The following LPIN1 variants were observed in gnomAD, a reference collection of about 807,000 sequenced individuals.
The protein encoded by LPIN1 is lipin 1, also known as phosphatidate phosphatase LPIN1.
Under a neutral mutation model 107.5 loss-of-function variants are expected in LPIN1, and 71 were observed. The observed-to-expected ratio is 0.66, with a 90% confidence interval of 0.55 to 0.80. The LOEUF is 0.80. Ranked by LOEUF, LPIN1 falls within the 30% of genes least tolerant of loss-of-function variation. The probability of loss-of-function intolerance (pLI) is 0.00; values close to 1 mark genes in which losing one functional copy is unlikely to be tolerated. For missense variants in LPIN1, 1,043 were observed against 1,160.6 expected (o/e 0.90, Z 1.47); for synonymous variants, 445 against 452.6 (o/e 0.98, Z 0.21).
At chr2:11,733,365 A>G (rs1467428520) in intron 1 of LPIN1, among the ~76,000 whole-genome samples, 1 of 152,222 alleles carries the variant, frequency 6.6e-6, no homozygotes, top group African/African-American at 2.4e-5. Flanking sequence ...ATGAAAGTGT[A>G]TGGACACAAA....
Position 11,824,872 on chromosome 2 carries a change from CT to C in LPIN1, c.*82del. The C allele has an allele frequency of 4.6e-6, 7 of 1,518,852 alleles. No homozygotes were observed. The highest frequency in any genetic ancestry group is 5.5e-6 in the Non-Finnish European group (6 of 1,098,892). 94.1% of individuals were successfully genotyped at this position (1,518,852 alleles called of 1,614,324 possible). A position where few individuals can be genotyped will look rare whatever the true frequency, so the allele number is the denominator to read the frequency against. On this transcript the variant is annotated 3_prime_UTR_variant, in exon 21 of 21. Transcript: ENST00000674199. ...GGATAGGTCTCCCCGGAGTGCACAG[CT>C]CCACCTGGGAGCCTGGCGCGTCATC...
chr2:11,802,874 T>C (rs746187584), intron 14 of LPIN1, 33 bp from the exon 15 acceptor site: 11 of 1,611,136 alleles, frequency 6.8e-6, no homozygotes, highest in Admixed American at 1.7e-5. Context: ...AGATGCATTT[T>C]CTAATTGGTG....
chr2:11,762,132 G>A (rs1253668295), intron 1 of LPIN1, among the ~76,000 whole-genome samples: 2 of 151,956 alleles, frequency 1.3e-5, no homozygotes, highest in Non-Finnish European at 2.9e-5. Flanking sequence ...TTTGTGGATC[G>A]GCTCACGGAA....
At chr2:11,751,438 A>C (rs1490613297) in intron 1 of LPIN1, among the ~76,000 whole-genome samples, 1 of 152,254 alleles carries the variant, frequency 6.6e-6, no homozygotes, top group Non-Finnish European at 1.5e-5. Context: ...TAAAAAGTGA[A>C]GATCTCTTCC....
intron 1 of LPIN1, among the ~76,000 whole-genome samples, chr2:11,732,202 G>A (rs1265103371): frequency 6.6e-6 from 1 of 152,156 alleles, no homozygotes; most frequent in Non-Finnish European, 1.5e-5. Flanking sequence ...GAACATTTCT[G>A]TTATTTTGTT....
intron 1 of LPIN1, among the ~76,000 whole-genome samples, chr2:11,680,736 C>T (rs534897909): frequency 2.0e-5 from 3 of 152,204 alleles, no homozygotes; most frequent in South Asian, 2.1e-4. Context: ...TTCCTTGGGG[C>T]GTTGGGACTT....
At chr2:11,802,440 A>T (rs150054910) in intron 14 of LPIN1, among the ~76,000 whole-genome samples, 15 of 152,278 alleles carry the variant, frequency 9.9e-5, no homozygotes, top group African/African-American at 3.6e-4. Flanking sequence ...ACCTGTCCGT[A>T]AGTCCTAGAA....
chr2:11,773,513 T>A, intron 4 of LPIN1, 107 bp from the exon 5 acceptor site: 1 of 945,012 alleles, frequency 1.1e-6, no homozygotes, highest in Non-Finnish European at 1.7e-6. Flanking sequence ...TTTAAAGAGA[T>A]CATGTTAATT....
At chr2:11,746,626 G>A (rs1358850429), upstream of LPIN1, 4 of 985,288 alleles carry the variant, frequency 4.1e-6, no homozygotes, top group African/African-American at 7.0e-5. Context: ...GCCGGCGGCG[G>A]GCTGGGTGTT....
At position 11,787,398 on chromosome 2, in the gene LPIN1, C is replaced by CT. The variant is rs1205272301; in HGVS notation, c.1643+251dup. ...GTGAGTTTTCTTTTCTTTTCTTTTT[C>CT]TTTTTTTTTTTTTTTTTTTTGCGAC... is the stretch of plus-strand genomic sequence containing the variant. On this transcript the variant is annotated intron_variant, in intron 11 of 20. Coordinates refer to ENST00000674199, the MANE Select transcript of LPIN1 (RefSeq NM_001349206.2). Among the ~76,000 whole-genome samples the CT allele has an allele frequency of 5.1e-3, 327 of 64,520 alleles. 7 individuals are homozygous for CT. Among genetic ancestry groups the CT allele is most frequent in the South Asian group, 0.022 (46 of 2,106 alleles). 42.3% of individuals were successfully genotyped at this position (64,520 alleles called of 152,430 possible). A position where few individuals can be genotyped will look rare whatever the true frequency, so the allele number is the denominator to read the frequency against.
chr2:11,784,042 C>T (rs758762877), intron 9 of LPIN1, 120 bp downstream of exon 9: 59 of 1,539,702 alleles, frequency 3.8e-5, no homozygotes, highest in Non-Finnish European at 4.7e-5. Flanking sequence ...CGGTGGCTCA[C>T]GCCTGTAATC....
In LPIN1 at chr2:11,707,888, C is replaced by T. The variant is rs952182216; in HGVS notation, c.82-5868C>T. On this transcript the variant is annotated intron_variant, in intron 1 of 21. Coordinates refer to the LPIN1 transcript ENST00000449576. The surrounding 1 kb of genome is among the most constrained non-coding windows in gnomAD (Gnocchi z 4.2). Reference sequence around the variant, plus strand: ...GTTTCAATGATGAGTGAGTGGTCTCCGCTAATTATGACTGGGTAGGCCCCT... The same window carrying T: ...GTTTCAATGATGAGTGAGTGGTCTCTGCTAATTATGACTGGGTAGGCCCCT... Among the ~76,000 whole-genome samples the T allele has an allele frequency of 2.6e-5, 4 of 152,136 alleles. No individual in the cohort carries two copies. Among genetic ancestry groups the T allele is most frequent in the South Asian group, 2.1e-4 (1 of 4,824 alleles).
chr2:11,809,459 C>T (rs771389428), intron 17 of LPIN1, among the ~76,000 whole-genome samples: 1 of 152,076 alleles, frequency 6.6e-6, no homozygotes, highest in African/African-American at 2.4e-5. Context: ...TCTTGTTGTC[C>T]AGGCTGGAGT....
chr2:11,696,455 A>G (rs1346738570), intron 1 of LPIN1, among the ~76,000 whole-genome samples: 3 of 152,076 alleles, frequency 2.0e-5, no homozygotes, highest in African/African-American at 4.8e-5. Context: ...CCTCTAGTCC[A>G]TAGGTACATA....
chr2:11,792,138 C>G (rs1287660679), intron 13 of LPIN1, 132 bp downstream of exon 13: 3 of 795,454 alleles, frequency 3.8e-6, no homozygotes, highest in Non-Finnish European at 6.3e-6. Context: ...GCCAGCTCTG[C>G]CATGAAGTAG....
rs147857358 is a variant in LPIN1, at chr2:11,735,263, G to A, written c.-71-6086G>A. ...GTCGAGATTGTGCCACTGCACTCCA[G>A]CCCGGCTGACAGAGTAAGACTCTGT... is the stretch of plus-strand genomic sequence containing the variant. On this transcript the variant is annotated intron_variant, in intron 1 of 21. Transcript: ENST00000396097. Among the ~76,000 whole-genome samples the A allele has an allele frequency of 7.3e-3, 1,099 of 149,664 alleles. 16 individuals are homozygous for A. The highest frequency in any genetic ancestry group is 0.027 in the African/African-American group (1,065 of 40,094).
chr2:11,685,177 G>T (rs1661938584), intron 1 of LPIN1, among the ~76,000 whole-genome samples: 1 of 152,192 alleles, frequency 6.6e-6, no homozygotes, highest in Admixed American at 6.5e-5. Context: ...GTGAGCGGAG[G>T]CCTCAGGAGG....
chr2:11,785,193 T>C, intron 10 of LPIN1, 117 bp downstream of exon 10: 1 of 757,554 alleles, frequency 1.3e-6, no homozygotes. Flanking sequence ...CGGTTAATGA[T>C]AGCACAGATG....
At chr2:11,815,864 C>CT (rs1396067242) in intron 18 of LPIN1, among the ~76,000 whole-genome samples, 4 of 152,126 alleles carry the variant, frequency 2.6e-5, no homozygotes, top group African/African-American at 9.7e-5. Context: ...CTAAGCCAGA[C>CT]TAACTCTGGC....
Sources: allele counts gnomAD v4.1 joint callset (sites outside exome capture counted in the v4.1 genomes callset), GRCh38; gene constraint gnomAD v4.1.1; non-coding constraint Gnocchi (gnomAD v3.1); transcripts MANE v1.5; gene names NCBI Gene and HGNC (gene_info 2026-07-23, HGNC 2026-07-21).